Variants in ANKRD27 observed in about 807,000 individuals in gnomAD.
The protein encoded by ANKRD27 is ankyrin repeat domain 27, also known as ankyrin repeat domain-containing protein 27.
A neutral mutation model predicts 129.7 loss-of-function variants in ANKRD27; 112 were observed. The observed-to-expected ratio is 0.86, with a 90% confidence interval of 0.74 to 1.01. The LOEUF (loss-of-function observed/expected upper bound fraction) is 1.01. ANKRD27 is among the 50% of genes least tolerant of loss of function. ANKRD27 has a pLI of 0.00. For synonymous variants in ANKRD27, 516 were observed against 511.2 expected, an observed-to-expected ratio of 1.01 and a Z score of -0.13; for missense variants, 1,258 against 1,300.5, an observed-to-expected ratio of 0.97 and a Z score of 0.50.
chr19:32,653,677 G>A (rs1204722627), intron 2 of ANKRD27, among the ~76,000 whole-genome samples: 2 of 148,620 alleles, frequency 1.3e-5, no homozygotes, highest in East Asian at 2.1e-4. Flanking sequence ...TGGATGTGGG[G>A]GCATCCCCAC....
At chr19:32,619,430 G>A in intron 19 of ANKRD27, 51 bp from the exon 20 acceptor site, 2 of 1,613,904 alleles carry the variant, frequency 1.2e-6, no homozygotes, top group East Asian at 2.2e-5. Flanking sequence ...AAGGACACGT[G>A]AGGACCAGAG....
At chr19:32,618,783 C>T (rs1053171950) in intron 20 of ANKRD27, among the ~76,000 whole-genome samples, 13 of 152,032 alleles carry the variant, frequency 8.6e-5, no homozygotes, top group African/African-American at 1.7e-4. Context: ...TGGTGGCTCA[C>T]GCCTGTAATC....
chr19:32,646,336 A>G, intron 4 of ANKRD27, 123 bp downstream of exon 4: 1 of 928,366 alleles, frequency 1.1e-6, no homozygotes, highest in Non-Finnish European at 1.6e-6. Context: ...CCCAAAGTGC[A>G]GGGATTACAG....
chr19:32,640,491 G>C (rs1021530304), intron 10 of ANKRD27, 106 bp from the exon 11 acceptor site: 6 of 878,328 alleles, frequency 6.8e-6, no homozygotes, highest in African/African-American at 5.0e-5. Context: ...GTATCAGGGA[G>C]ATCATACACT....
At position 32,646,158 on chromosome 19, in the gene ANKRD27, C is replaced by G. The variant is rs1158463815; in HGVS notation, c.370+301G>C. 2.0e-5 allele frequency among the ~76,000 whole-genome samples: 3 copies of G among 152,126 alleles called. No individual in the cohort carries two copies. The East Asian group carries it at 5.8e-4, about 29-fold the overall frequency. On this transcript the variant is annotated intron_variant, in intron 4 of 28. Transcript: ENST00000306065. ...CATTGGCCAGGCTGATCTTGAACTC[C>G]TGACCTCAAGTAATCTGCCTGCCTC...
At chr19:32,639,549 A>G (rs1416511631) in intron 11 of ANKRD27, 61 bp from the exon 12 acceptor site, 2 of 1,564,564 alleles carry the variant, frequency 1.3e-6, no homozygotes, top group African/African-American at 1.4e-5. Flanking sequence ...CTGCAAAAAA[A>G]ATATCATTGG....
intron 13 of ANKRD27, among the ~76,000 whole-genome samples, chr19:32,629,115 T>C (rs1206005561): frequency 6.6e-6 from 1 of 152,056 alleles, no homozygotes; most frequent in African/African-American, 2.4e-5. Context: ...GACACGGGGT[T>C]TTGCCATGTT....
chr19:32,638,341 G>C (rs991489924), intron 12 of ANKRD27: 3 of 152,318 alleles, frequency 2.0e-5, no homozygotes, highest in Non-Finnish European at 4.4e-5. Flanking sequence ...AGGACGACCT[G>C]CCTGTGGAAA....
At chr19:32,648,435 G>A (rs1013476861) in intron 3 of ANKRD27, among the ~76,000 whole-genome samples, 1 of 152,238 alleles carries the variant, frequency 6.6e-6, no homozygotes, top group Admixed American at 6.5e-5. Flanking sequence ...GGTTACATAA[G>A]AGAATGCCTG....
At chr19:32,651,348 C>A (rs533005654) in intron 2 of ANKRD27, among the ~76,000 whole-genome samples, 17 of 152,154 alleles carry the variant, frequency 1.1e-4, no homozygotes, top group Non-Finnish European at 2.4e-4. Context: ...GGCTGGAGGG[C>A]CTTCATGTGG....
chr19:32,619,926 T>G (rs2033712346), intron 18 of ANKRD27, among the ~76,000 whole-genome samples: 1 of 152,024 alleles, frequency 6.6e-6, no homozygotes, highest in African/African-American at 2.4e-5. Context: ...TGGCCTTTCC[T>G]CTAGCACCCA....
At chr19:32,646,668 C>T (rs2145305085) in intron 3 of ANKRD27, 53 bp from the exon 4 acceptor site, 1 of 1,583,522 alleles carries the variant, frequency 6.3e-7, no homozygotes, top group Admixed American at 1.8e-5. Flanking sequence ...CCACATCCCA[C>T]TCTCAGCCTG....
chr19:32,597,981 G>A lies in ANKRD27; in HGVS notation c.*164C>T. On this transcript the variant is annotated 3_prime_UTR_variant, in exon 29 of 29. Coordinates refer to ENST00000306065, the MANE Select transcript of ANKRD27 (RefSeq NM_032139.3). ...AGAGATGGTGGTGGTTAACTTTTTT[G>A]TTGCATTCTTTCCTGCCACAGAAAA... 1.6e-6 allele frequency: 1 copy of A among 631,694 alleles called. No individual in the cohort carries two copies. The highest frequency in any genetic ancestry group is 2.9e-5 in the Admixed American group (1 of 34,396). 39.1% of individuals were successfully genotyped at this position (631,694 alleles called of 1,614,324 possible). A position where few individuals can be genotyped will look rare whatever the true frequency, so the allele number is the denominator to read the frequency against.
intron 15 of ANKRD27, 55 bp downstream of exon 15, chr19:32,628,028 T>C: frequency 1.9e-6 from 3 of 1,550,076 alleles, no homozygotes; most frequent in Non-Finnish European, 2.7e-6. Flanking sequence ...TGGGTCACCT[T>C]GGGCACCATC....
At chr19:32,611,676 G>T (rs913017640) in intron 22 of ANKRD27, among the ~76,000 whole-genome samples, 21 of 152,128 alleles carry the variant, frequency 1.4e-4, no homozygotes, top group Non-Finnish European at 4.4e-5. Context: ...CCGCCTCCTG[G>T]GTTCAAGCGA....
chr19:32,612,276 C>T (rs945138540), intron 22 of ANKRD27, among the ~76,000 whole-genome samples: 9 of 152,186 alleles, frequency 5.9e-5, no homozygotes, highest in East Asian at 1.9e-4. Flanking sequence ...ACTCAACATA[C>T]GTTGAGTCAT....
intron 1 of ANKRD27, among the ~76,000 whole-genome samples, chr19:32,668,248 C>T (rs1208110850): frequency 6.6e-6 from 1 of 152,118 alleles, no homozygotes; most frequent in Non-Finnish European, 1.5e-5. Flanking sequence ...AAACTCCTGG[C>T]CTCAAGCAAT....
intron 12 of ANKRD27, among the ~76,000 whole-genome samples, chr19:32,636,808 T>C (rs1317811147): frequency 1.3e-5 from 2 of 151,596 alleles, no homozygotes; most frequent in African/African-American, 4.8e-5. Context: ...AGTGCAGTGG[T>C]GTAACCTCAG....
At chr19:32,660,491 C>A (rs1967623903) in intron 1 of ANKRD27, among the ~76,000 whole-genome samples, 1 of 152,178 alleles carries the variant, frequency 6.6e-6, no homozygotes, top group African/African-American at 2.4e-5. Context: ...GCACTCCAGC[C>A]TGGGTGATAA....
Sources: gnomAD v4.1 joint callset for allele counts (sites outside exome capture counted in the v4.1 genomes callset) on GRCh38, gnomAD v4.1.1 for gene constraint, MANE v1.5 for transcripts, NCBI Gene and HGNC (gene_info 2026-07-23, HGNC 2026-07-21) for gene names.